Variants in NEDD4L observed in about 807,000 individuals in gnomAD.
NEDD4L encodes NEDD4 like E3 ubiquitin protein ligase.
In NEDD4L, 54 loss-of-function variants were observed where a neutral mutation model predicts 148.9. The ratio of observed to expected loss-of-function variants is 0.36; its 90% CI spans 0.29 to 0.45. NEDD4L has a LOEUF of 0.45. Ranked by LOEUF, NEDD4L falls within the 20% of genes least tolerant of loss-of-function variation. NEDD4L has a pLI of 1.00. For missense variants in NEDD4L, 856 were observed against 1,233.8 expected (o/e 0.69, Z 4.59); for synonymous variants, 433 against 440.7 (o/e 0.98, Z 0.22).
intron 1 of NEDD4L, among the ~76,000 whole-genome samples, chr18:58,114,593 G>A (rs943372537): frequency 9.2e-5 from 14 of 152,240 alleles, no homozygotes; most frequent in African/African-American, 2.9e-4. Flanking sequence ...AGCATCCCAG[G>A]TGGGGTTCCT....
At chr18:58,118,827 A>G (rs1466384831) in intron 1 of NEDD4L, among the ~76,000 whole-genome samples, 2 of 152,108 alleles carry the variant, frequency 1.3e-5, no homozygotes, top group South Asian at 2.1e-4. Context: ...GGGAGCTGAC[A>G]TCACACTCAG....
chr18:58,126,209 A>G (rs2031062441), intron 1 of NEDD4L, among the ~76,000 whole-genome samples: 1 of 152,216 alleles, frequency 6.6e-6, no homozygotes, highest in East Asian at 1.9e-4. Flanking sequence ...ATATTCACAC[A>G]CATGTGCAGA....
chr18:58,278,877 A>C (rs2052564601), intron 5 of NEDD4L, among the ~76,000 whole-genome samples: 1 of 151,902 alleles, frequency 6.6e-6, no homozygotes, highest in Non-Finnish European at 1.5e-5. Context: ...ATTTTTATTT[A>C]TTTATTTTTT....
Position 58,045,131 on chromosome 18 carries a change from G to A in NEDD4L, c.48+423G>A, listed in dbSNP as rs1439915973. On this transcript the variant is annotated intron_variant, in intron 1 of 30. Coordinates refer to ENST00000400345, the MANE Select transcript of NEDD4L (RefSeq NM_001144967.3). ...GCGCGGCTGGAGACCCGGGACTGCG[G>A]AGAAGCCGGATCGTTTCCCCCTGGA... 1.3e-5 allele frequency: 5 copies of A among 399,126 alleles called. No homozygotes were observed. In the East Asian group the frequency reaches 1.8e-4, roughly 14 times the overall value. 24.7% of individuals were successfully genotyped at this position (399,126 alleles called of 1,614,324 possible).
chr18:58,281,808 G>A (rs535449091), intron 5 of NEDD4L, among the ~76,000 whole-genome samples: 8 of 152,062 alleles, frequency 5.3e-5, no homozygotes, highest in Admixed American at 3.3e-4. Flanking sequence ...GGCGGATCAC[G>A]AGGTCAGGAG....
chr18:58,301,847 G>T (rs1189550717), intron 5 of NEDD4L, among the ~76,000 whole-genome samples: 2 of 152,174 alleles, frequency 1.3e-5, no homozygotes, highest in Non-Finnish European at 2.9e-5. Context: ...CCCAAGCCCA[G>T]CTCTGTCATC....
rs375470869 is a variant in NEDD4L, at chr18:58,349,565, A to G, written c.1604A>G (p.His535Arg). 9.9e-6 allele frequency: 16 copies of G among 1,614,004 alleles called. No homozygotes were observed. Among genetic ancestry groups the G allele is most frequent in the South Asian group, 2.2e-5 (2 of 91,080 alleles). ...WEDPRLKFPV[H>R]MRSKTSLNPN... Reference sequence around the variant, plus strand: ...GATCCACGTTTGAAATTTCCAGTACATATGCGGTCAAAGACATCTTTAAAC... The same window carrying G: ...GATCCACGTTTGAAATTTCCAGTACGTATGCGGTCAAAGACATCTTTAAAC... The change falls in exon 17 of 31, where the codon CAT becomes CGT. Residue 535 changes from histidine to arginine, a missense_variant. Physicochemically the swap from His to Arg is conservative, Grantham distance 29. Transcript: ENST00000400345.
At chr18:58,153,820 T>C (rs1458532395) in intron 1 of NEDD4L, among the ~76,000 whole-genome samples, 1 of 152,112 alleles carries the variant, frequency 6.6e-6, no homozygotes, top group Non-Finnish European at 1.5e-5. Context: ...CAAGTTTTTC[T>C]GGAATTTTTA....
chr18:58,341,700 G>A lies in NEDD4L; in HGVS notation c.1280G>A (p.Gly427Glu), dbSNP rs2042446202. 4 of 1,613,630 alleles carry A rather than the reference G, an allele frequency of 2.5e-6. No individual in the cohort carries two copies. Among genetic ancestry groups the A allele is most frequent in the South Asian group, 2.2e-5 (2 of 90,908 alleles). ...TAGCTTGCAGAAGATGGTGCGTCCG[G>A]ATCAGCCACAAACAGTAACAACCAT... ...IMQLAEDGAS[G>E]SATNSNNHLI... The change falls in exon 15 of 31, where the codon GGA becomes GAA. Residue 427 changes from glycine to glutamate, a missense_variant. Coordinates refer to ENST00000400345, the MANE Select transcript of NEDD4L (RefSeq NM_001144967.3).
At chr18:58,357,322 T>A in intron 19 of NEDD4L, 70 bp downstream of exon 19, 1 of 1,289,392 alleles carries the variant, frequency 7.8e-7, no homozygotes, top group Non-Finnish European at 1.1e-6. Context: ...TCTTGTGTAT[T>A]ACTGATAACG....
At chr18:58,162,996 A>G (rs2036406920) in intron 1 of NEDD4L, among the ~76,000 whole-genome samples, 1 of 151,916 alleles carries the variant, frequency 6.6e-6, no homozygotes, top group Admixed American at 6.6e-5. Context: ...CCTGGGAGGC[A>G]GAGGTTGCAG....
At chr18:58,212,340 AAG>A (rs1287390423) in intron 2 of NEDD4L, among the ~76,000 whole-genome samples, 5 of 152,118 alleles carry the variant, frequency 3.3e-5, no homozygotes, top group Admixed American at 2.0e-4. Flanking sequence ...TTAGAAAGGA[AAG>A]AGGTTTCACA....
At chr18:58,388,573 C>T (rs1174019683) in intron 27 of NEDD4L, 1 of 152,618 alleles carries the variant, frequency 6.6e-6, no homozygotes, top group Non-Finnish European at 1.5e-5. Flanking sequence ...AAGTCGAAGA[C>T]CCAGTTGTGC....
intron 24 of NEDD4L, among the ~76,000 whole-genome samples, chr18:58,377,925 A>G (rs539385434): frequency 2.0e-5 from 3 of 152,222 alleles, no homozygotes; most frequent in Admixed American, 6.5e-5. Context: ...TTGTATTTTT[A>G]GTGGAGACAG....
chr18:58,329,732 C>T (rs577568015), intron 10 of NEDD4L, among the ~76,000 whole-genome samples: 2 of 151,542 alleles, frequency 1.3e-5, no homozygotes, highest in African/African-American at 4.8e-5. Flanking sequence ...AACTCTTGAC[C>T]TCATGATCCA....
intron 1 of NEDD4L, among the ~76,000 whole-genome samples, chr18:58,084,319 T>C (rs2083634324): frequency 6.6e-6 from 1 of 152,198 alleles, no homozygotes; most frequent in Non-Finnish European, 1.5e-5. Context: ...TGAAATATTC[T>C]TAGATTATGA....
intron 5 of NEDD4L, among the ~76,000 whole-genome samples, chr18:58,274,402 G>A (rs973154105): frequency 2.0e-5 from 3 of 152,186 alleles, no homozygotes; most frequent in African/African-American, 7.2e-5. Context: ...CTGGAGTGTG[G>A]GATGAAGGAG....
chr18:58,091,031 T>G (rs1472599870), intron 1 of NEDD4L: 1 of 152,248 alleles, frequency 6.6e-6, no homozygotes, highest in East Asian at 1.9e-4. Context: ...CTTCTACCCT[T>G]GGAATAGTAA....
At chr18:58,111,270 A>G (rs1217885533) in intron 1 of NEDD4L, among the ~76,000 whole-genome samples, 2 of 152,022 alleles carry the variant, frequency 1.3e-5, no homozygotes, top group African/African-American at 4.8e-5. Context: ...GTTTCATCAT[A>G]TTGGTCAGGC....
Sources: allele counts gnomAD v4.1 joint callset (sites outside exome capture counted in the v4.1 genomes callset), GRCh38; gene constraint gnomAD v4.1.1; transcripts MANE v1.5; gene names NCBI Gene and HGNC (gene_info 2026-07-23, HGNC 2026-07-21).